The following DHX37 variants were observed in gnomAD, a reference collection of about 807,000 sequenced individuals.
DHX37 encodes DEAH-box helicase 37, also known as probable ATP-dependent RNA helicase DHX37.
Under a neutral mutation model 134.3 loss-of-function variants are expected in DHX37, and 52 were observed. The ratio of observed to expected loss-of-function variants is 0.39; its 90% CI spans 0.31 to 0.49. DHX37 has a LOEUF of 0.49. DHX37 is among the 20% of genes least tolerant of loss of function. DHX37 has a pLI of 0.93. For missense variants in DHX37, 1,344 were observed against 1,580.8 expected (o/e 0.85, Z 2.54); for synonymous variants, 634 against 670.7 (o/e 0.95, Z 0.85).
In DHX37 at chr12:124,973,636, CG is replaced by C. The variant is rs1342718209; in HGVS notation, c.981-1038del. ...ACTTATGTATATGCGCCCCCCCCAA[CG>C]CTTTTTTTTTTTTTTTTTTTTGAGA... On this transcript the variant is annotated intron_variant, in intron 6 of 26. Transcript: ENST00000308736. Among the ~76,000 whole-genome samples, 342 of 104,924 alleles carry C rather than the reference CG, an allele frequency of 3.3e-3. 40 individuals carry two copies. The highest frequency in any genetic ancestry group is 0.015 in the Middle Eastern group (3 of 206). 68.8% of individuals were successfully genotyped at this position (104,924 alleles called of 152,430 possible). A position where few individuals can be genotyped will look rare whatever the true frequency, so the allele number is the denominator to read the frequency against.
chr12:124,981,992 G>T (rs1176694861), intron 3 of DHX37, among the ~76,000 whole-genome samples: 1 of 151,794 alleles, frequency 6.6e-6, no homozygotes. Context: ...GCTTGGTGGT[G>T]CATGCCTGTA....
intron 6 of DHX37, 120 bp from the exon 7 acceptor site, chr12:124,972,719 C>T: frequency 1.1e-6 from 1 of 870,218 alleles, no homozygotes; most frequent in South Asian, 1.4e-5. Context: ...CCGCTGGCAA[C>T]CTGAAACAAG....
chr12:124,973,638 C>CTTTTTTTTTTTTTTTTTTTTTT (rs71092252), intron 6 of DHX37, among the ~76,000 whole-genome samples: 2 of 102,874 alleles, frequency 1.9e-5, no homozygotes, highest in African/African-American at 3.8e-5. Context: ...CCCCCCAACG[C>CTTTTTTTTTTTTTTTTTTTTTT]TTTTTTTTTT....
chr12:124,954,151 C>A lies in DHX37; in HGVS notation c.2514G>T (p.Gln838His), dbSNP rs1460330898. ...RLKSKRARVA[Q>H]MKRTWAGQGA... ...CCTGCCCTGCCCAGGTCCTCTTCAT[C>A]TGGGCCACCCGGGCCCGCTTGCTCT... Residue 838 changes from glutamine (Q) to histidine (H), a missense_variant, in exon 19 of 27, where the codon CAG becomes CAT. Gln to His is a conservative substitution (Grantham distance 24). Around this residue, in one of 7 missense-constraint regions of DHX37, gnomAD observed 558 missense variants for 650.0 expected, o/e 0.86. Coordinates refer to ENST00000308736, the MANE Select transcript of DHX37 (RefSeq NM_032656.4). 6.2e-7 allele frequency: 1 copy of A among 1,612,514 alleles called. No individual in the cohort carries two copies. The highest frequency in any genetic ancestry group is 1.1e-5 in the South Asian group (1 of 90,864).
intron 2 of DHX37, 86 bp from the exon 3 acceptor site, chr12:124,982,709 T>A (rs1954783167): frequency 6.5e-7 from 1 of 1,545,914 alleles, no homozygotes; most frequent in Non-Finnish European, 8.8e-7. Flanking sequence ...AATTTCAGCA[T>A]CATTAACACC....
rs370922396 is a variant in DHX37, at chr12:124,956,807, G to A, written c.2337C>T (p.Pro779=). 31 of 1,611,648 alleles carry A rather than the reference G, an allele frequency of 1.9e-5. No homozygotes were observed. The Admixed American group carries it at 3.2e-4, about 16-fold the overall frequency. The change falls in exon 18 of 27, where the codon CCC becomes CCT. Residue 779 remains proline, a synonymous_variant. Transcript: ENST00000308736. ...TALGRTMATF[P]VAPRYAKMLA... ...GCATCTTAGCGTAGCGGGGTGCCAC[G>A]GGGAATGTGGCCATTGTCCGGCCCA...
At chr12:124,963,115 T>A (rs1026021197) in intron 15 of DHX37, among the ~76,000 whole-genome samples, 4 of 152,158 alleles carry the variant, frequency 2.6e-5, no homozygotes, top group African/African-American at 9.7e-5. Flanking sequence ...CACCAGCTGA[T>A]GAACAGACAA....
chr12:124,983,387 G>A (rs1388513052), intron 2 of DHX37, among the ~76,000 whole-genome samples: 5 of 147,788 alleles, frequency 3.4e-5, no homozygotes, highest in East Asian at 2.1e-4. Flanking sequence ...GTGAGCCACC[G>A]CGCCCAGCCT....
At chr12:124,966,756 C>T (rs761364139) in intron 12 of DHX37, 37 bp downstream of exon 12, 46 of 1,606,696 alleles carry the variant, frequency 2.9e-5, no homozygotes, top group Non-Finnish European at 3.9e-5. Flanking sequence ...ACAACGCAGC[C>T]TTACTCTCCA....
chr12:124,955,442 A>C (rs1954073039), intron 18 of DHX37, among the ~76,000 whole-genome samples: 2 of 152,234 alleles, frequency 1.3e-5, no homozygotes, highest in Admixed American at 1.3e-4. Flanking sequence ...ATTCTGACGA[A>C]TAGCTGGGAT....
intron 1 of DHX37, among the ~76,000 whole-genome samples, chr12:124,988,641 T>C (rs986866140): frequency 1.3e-5 from 2 of 152,056 alleles, no homozygotes; most frequent in Admixed American, 1.3e-4. Flanking sequence ...ATAATCGAAG[T>C]CATGGGAAGG....
At chr12:124,981,151 G>A (rs1395751558) in intron 3 of DHX37, among the ~76,000 whole-genome samples, 4 of 152,100 alleles carry the variant, frequency 2.6e-5, no homozygotes, top group Non-Finnish European at 4.4e-5. Flanking sequence ...GACTTCCCAC[G>A]ATTACATCTC....
Position 124,966,813 on chromosome 12 carries a change from C to T in DHX37, c.1570G>A (p.Ala524Thr), listed in dbSNP as rs1266594241. The part of the protein sequence containing the change: ...MRKFKKSRAR[A>T]KKARAEVLPQ... ...CGTACCTCAGCCCGCGCCTTCTTGG[C>T]CCTGGCCCTTGACTTCTTAAACTTC... is the stretch of plus-strand genomic sequence containing the variant. The change falls in exon 12 of 27, where the codon GCC becomes ACC. Residue 524 changes from alanine (A) to threonine (T), a missense_variant. This residue lies in a region of DHX37 where 289 missense variants were observed against 323.8 expected (regional missense o/e 0.89). Coordinates refer to ENST00000308736, the MANE Select transcript of DHX37 (RefSeq NM_032656.4). The T allele has an allele frequency of 1.2e-6, 2 of 1,614,122 alleles. No individual in the cohort carries two copies. The highest frequency in any genetic ancestry group is 2.2e-5 in the East Asian group (1 of 44,894).
intron 15 of DHX37, among the ~76,000 whole-genome samples, chr12:124,963,598 G>T (rs189561332): frequency 2.6e-5 from 4 of 152,048 alleles, no homozygotes; most frequent in African/African-American, 9.7e-5. Context: ...GGCCGGGCAC[G>T]GTGGCTCACG....
chr12:124,950,645 A>G (rs750729526), intron 22 of DHX37, 45 bp downstream of exon 22: 6 of 1,602,096 alleles, frequency 3.7e-6, no homozygotes, highest in Non-Finnish European at 5.1e-6. Flanking sequence ...CACCCCCATT[A>G]GCGTCACCAT....
chr12:124,964,995 C>T lies in DHX37; in HGVS notation c.1747G>A (p.Asp583Asn), dbSNP rs1483038765. The change falls in exon 14 of 27, where the codon GAT becomes AAT. Residue 583 changes from aspartate to asparagine, a missense_variant. Physicochemically the swap from Asp to Asn is conservative, Grantham distance 23 (BLOSUM62 1). Around this residue, in one of 7 missense-constraint regions of DHX37, gnomAD observed 289 missense variants for 323.8 expected, o/e 0.89. Coordinates refer to ENST00000308736, the MANE Select transcript of DHX37 (RefSeq NM_032656.4). ...DGGQDGGEQP[D>N]ASLPLHVLPL... ...AGCACGTGGAGCGGGAGGGAGGCAT[C>T]CGGCTGCTCACCTGGAGGGAAAGCA... is the stretch of plus-strand genomic sequence containing the variant. 1 of 1,595,634 alleles carries T rather than the reference C, an allele frequency of 6.3e-7. No homozygotes were observed. The highest frequency in any genetic ancestry group is 8.5e-7 in the Non-Finnish European group (1 of 1,173,008).
intron 5 of DHX37, among the ~76,000 whole-genome samples, chr12:124,975,884 C>T (rs1231399327): frequency 2.0e-5 from 3 of 152,192 alleles, no homozygotes; most frequent in Non-Finnish European, 4.4e-5. Context: ...CCTGCAGCTG[C>T]TCTCCCTCGA....
chr12:124,958,253 G>A (rs929305950), intron 16 of DHX37, among the ~76,000 whole-genome samples: 4 of 152,228 alleles, frequency 2.6e-5, no homozygotes, highest in Admixed American at 6.5e-5. Context: ...AGCTAGAGGC[G>A]GGGTGGTGAG....
In DHX37 at chr12:124,971,431, G is replaced by A; in HGVS notation, c.1078-16C>T. ...GCAGGAAGTCCTGGGGGGAGGTCCGGGGTGAGGCCCACCCTTCCAGCCTAA... is the reference window on the plus strand; with the variant it reads ...GCAGGAAGTCCTGGGGGGAGGTCCGAGGTGAGGCCCACCCTTCCAGCCTAA... On this transcript the variant is annotated splice_polypyrimidine_tract_variant and intron_variant, in intron 7 of 26. Coordinates refer to ENST00000308736, the MANE Select transcript of DHX37 (RefSeq NM_032656.4). The A allele has an allele frequency of 6.2e-7, 1 of 1,611,574 alleles. No homozygotes were observed. The highest frequency in any genetic ancestry group is 8.5e-7 in the Non-Finnish European group (1 of 1,179,364).
Sources: gnomAD v4.1 joint callset for allele counts (sites outside exome capture counted in the v4.1 genomes callset) on GRCh38, gnomAD v4.1.1 for gene constraint, gnomAD v4.1.1 regional missense constraint, MANE v1.5 for transcripts, NCBI Gene and HGNC (gene_info 2026-07-23, HGNC 2026-07-21) for gene names.